Variants in RANBP17 observed in about 807,000 individuals in gnomAD.
RANBP17 encodes the protein RAN binding protein 17, also known as ran-binding protein 17.
Under a neutral mutation model 141.2 loss-of-function variants are expected in RANBP17, and 158 were observed. That is an observed-to-expected ratio of 1.12 (90% CI 0.98 to 1.28). The LOEUF (loss-of-function observed/expected upper bound fraction) is 1.28, where lower values mean the gene tolerates loss of function less well. Ranked by LOEUF, RANBP17 falls within the 50% of genes most tolerant of loss-of-function variation. The pLI is 0.00. For missense variants in RANBP17, 1,438 were observed against 1,290.7 expected, an observed-to-expected ratio of 1.11 and a Z score of -1.75; for synonymous variants, 430 against 450.0, an observed-to-expected ratio of 0.96 and a Z score of 0.56.
intron 12 of RANBP17, among the ~76,000 whole-genome samples, chr5:170,946,235 A>T (rs1774748513): frequency 6.6e-6 from 1 of 152,164 alleles, no homozygotes; most frequent in Non-Finnish European, 1.5e-5. Context: ...GCTTGTTTTA[A>T]GAAACCAGTA....
At chr5:170,890,043 G>A (rs1769469679) in intron 3 of RANBP17, among the ~76,000 whole-genome samples, 1 of 151,914 alleles carries the variant, frequency 6.6e-6, no homozygotes, top group African/African-American at 2.4e-5. Context: ...ACCTTTGTTT[G>A]GGCAATCTGG....
intron 14 of RANBP17, among the ~76,000 whole-genome samples, chr5:171,003,960 C>T (rs139908602): frequency 0.027 from 4,086 of 152,152 alleles, 178 homozygotes; most frequent in African/African-American, 0.092. Flanking sequence ...GGTGGATAGG[C>T]AAAACAATTT....
At chr5:171,229,713 CGTTTCT>C (rs1283741611) in intron 22 of RANBP17, among the ~76,000 whole-genome samples, 1 of 140,120 alleles carries the variant, frequency 7.1e-6, no homozygotes, top group Non-Finnish European at 1.5e-5. Context: ...GCTGTTAATA[CGTTTCT>C]GATGCTGTGA....
At chr5:171,125,743 C>G (rs77649952) in intron 14 of RANBP17, among the ~76,000 whole-genome samples, 5,273 of 152,236 alleles carry the variant, frequency 0.035, 150 homozygotes, top group East Asian at 0.12. Context: ...ACTTGGAACA[C>G]TCTCCCAGGA....
chr5:171,268,177 T>C (rs900288700), intron 25 of RANBP17, among the ~76,000 whole-genome samples: 37 of 152,214 alleles, frequency 2.4e-4, no homozygotes, highest in Admixed American at 7.8e-4. Flanking sequence ...TTACAAAATT[T>C]CTTGCCATGG....
chr5:171,280,880 G>A (rs539632078), intron 25 of RANBP17, among the ~76,000 whole-genome samples: 18 of 152,254 alleles, frequency 1.2e-4, no homozygotes, highest in African/African-American at 4.3e-4. Flanking sequence ...CATATTTGTT[G>A]GGACTTTCTA....
intron 14 of RANBP17, among the ~76,000 whole-genome samples, chr5:171,153,317 G>T (rs1218543917): frequency 6.6e-6 from 1 of 152,194 alleles, no homozygotes; most frequent in Non-Finnish European, 1.5e-5. Context: ...ATTAGAAAAA[G>T]ATTTATACAG....
At chr5:171,097,858 C>G (rs1353233315) in intron 14 of RANBP17, among the ~76,000 whole-genome samples, 3 of 151,810 alleles carry the variant, frequency 2.0e-5, no homozygotes, top group Admixed American at 1.3e-4. Flanking sequence ...CATTTTTCAC[C>G]TCCCACTTAT....
At chr5:171,199,615 C>A in intron 18 of RANBP17, 55 bp from the exon 19 acceptor site, 1 of 1,092,008 alleles carries the variant, frequency 9.2e-7, no homozygotes, top group Non-Finnish European at 1.4e-6. Flanking sequence ...ATGCTGAGGA[C>A]AATGTACAAT....
chr5:171,281,895 G>T (rs1212833685), intron 25 of RANBP17, among the ~76,000 whole-genome samples: 7 of 152,110 alleles, frequency 4.6e-5, no homozygotes, highest in Admixed American at 6.6e-5. Context: ...AGGCCATTTA[G>T]TACACTTACC....
intron 2 of RANBP17, among the ~76,000 whole-genome samples, chr5:170,879,235 C>A (rs1338706460): frequency 6.6e-6 from 1 of 152,068 alleles, no homozygotes; most frequent in African/African-American, 2.4e-5. Flanking sequence ...TATAATTAAG[C>A]ACATTCATCA....
In RANBP17 at chr5:171,028,950, TCA is replaced by T. The variant is rs1419552858; in HGVS notation, c.1710+60574_1710+60575del. 2.0e-5 allele frequency: 26 copies of T among 1,287,974 alleles called. No individual in the cohort carries two copies. The Admixed American group carries it at 3.0e-4, about 15-fold the overall frequency. The allele number at this position is 1,287,974 out of a possible 1,614,324, so 79.8% of individuals were successfully genotyped here. On this transcript the variant is annotated intron_variant, in intron 14 of 27. Transcript: ENST00000523189. ...TCTTCTTCCTTGAGAACGATCTGAT[TCA>T]TCATCATCTGAACCAGGGATCACAG...
At chr5:171,284,398 C>T (rs1020358411) in intron 25 of RANBP17, 1 of 152,156 alleles carries the variant, frequency 6.6e-6, no homozygotes, top group African/African-American at 2.4e-5. Context: ...GATCATGGCT[C>T]ACTGCAGCCT....
chr5:171,064,706 A>C (rs1318523841), intron 14 of RANBP17, among the ~76,000 whole-genome samples: 2 of 151,954 alleles, frequency 1.3e-5, no homozygotes, highest in African/African-American at 4.8e-5. Context: ...TTTTTCATAG[A>C]CATGGGGTTT....
intron 14 of RANBP17, among the ~76,000 whole-genome samples, chr5:171,161,054 A>G (rs1366108365): frequency 6.6e-6 from 1 of 152,178 alleles, no homozygotes; most frequent in Non-Finnish European, 1.5e-5. Context: ...GGCCTCCTAA[A>G]GTGCTGGGAT....
In RANBP17 at chr5:171,230,764, A is replaced by AT. The variant is rs549673032; in HGVS notation, c.2422+8924_2422+8925insT. On this transcript the variant is annotated intron_variant, in intron 22 of 27. Transcript: ENST00000523189. ...GCGACAGAGCAAGACTCTGTTAAAA[A>AT]ATATATATATATATTACAACTTTAT... 8.6e-5 allele frequency among the ~76,000 whole-genome samples: 13 copies of AT among 151,548 alleles called. No homozygotes were observed. The East Asian group carries it at 2.3e-3, about 27-fold the overall frequency.
chr5:171,184,271 T>C (rs529060633), intron 18 of RANBP17, among the ~76,000 whole-genome samples: 1 of 152,278 alleles, frequency 6.6e-6, no homozygotes, highest in African/African-American at 2.4e-5. Flanking sequence ...GAAAATGTGG[T>C]ATATATACAC....
chr5:171,034,684 G>A (rs1781759830), intron 14 of RANBP17, among the ~76,000 whole-genome samples: 1 of 152,212 alleles, frequency 6.6e-6, no homozygotes. Context: ...TGCAAAAGCA[G>A]AAAGCCAGAA....
At chr5:171,173,610 G>C (rs1760245063) in intron 16 of RANBP17, among the ~76,000 whole-genome samples, 1 of 152,060 alleles carries the variant, frequency 6.6e-6, no homozygotes, top group African/African-American at 2.4e-5. Flanking sequence ...CTGACCACTT[G>C]TTAGAAATTG....
Sources: gnomAD v4.1 joint callset for allele counts (sites outside exome capture counted in the v4.1 genomes callset) on GRCh38, gnomAD v4.1.1 for gene constraint, MANE v1.5 for transcripts, NCBI Gene and HGNC (gene_info 2026-07-23, HGNC 2026-07-21) for gene names.